The following GABBR2 variants were observed in gnomAD, a reference collection of about 807,000 sequenced individuals.
GABBR2 encodes the protein G-protein coupled receptor 51.
GABBR2 carries 23 observed loss-of-function variants against 105.6 expected under a neutral mutation model. The ratio of observed to expected loss-of-function variants is 0.22; its 90% CI spans 0.16 to 0.31. The LOEUF (loss-of-function observed/expected upper bound fraction) is 0.31. GABBR2 is among the 10% of genes least tolerant of loss of function. GABBR2 has a pLI of 1.00. For missense variants in GABBR2, 734 were observed against 1,245.5 expected (o/e 0.59, Z 6.18); for synonymous variants, 478 against 499.7 (o/e 0.96, Z 0.58).
chr9:98,511,323 C>A (rs1272022533), intron 3 of GABBR2, among the ~76,000 whole-genome samples: 3 of 149,980 alleles, frequency 2.0e-5, no homozygotes, highest in Middle Eastern at 6.4e-3. Context: ...AAAATTGACA[C>A]CCTAACATCA....
chr9:98,300,058 C>G (rs1194386551), intron 16 of GABBR2, among the ~76,000 whole-genome samples: 1 of 149,848 alleles, frequency 6.7e-6, no homozygotes. Context: ...GAGATGGGGT[C>G]TCTCTATGTT....
At chr9:98,367,111 T>C (rs1171540051) in intron 12 of GABBR2, among the ~76,000 whole-genome samples, 1 of 152,062 alleles carries the variant, frequency 6.6e-6, no homozygotes, top group Non-Finnish European at 1.5e-5. Context: ...GCTTTAATGC[T>C]TTCAAAAATG....
At chr9:98,334,225 G>A (rs1446712756) in intron 13 of GABBR2, among the ~76,000 whole-genome samples, 1 of 152,234 alleles carries the variant, frequency 6.6e-6, no homozygotes, top group African/African-American at 2.4e-5. Flanking sequence ...TCACAGATGT[G>A]AAAGAGATTT....
chr9:98,627,109 G>A (rs1829748167), intron 1 of GABBR2, among the ~76,000 whole-genome samples: 1 of 152,160 alleles, frequency 6.6e-6, no homozygotes, highest in African/African-American at 2.4e-5. Context: ...AAGGGTGTGG[G>A]ATCAGCTTCA....
intron 1 of GABBR2, among the ~76,000 whole-genome samples, chr9:98,696,014 C>T (rs1353890963): frequency 1.3e-5 from 2 of 152,220 alleles, no homozygotes; most frequent in African/African-American, 4.8e-5. Flanking sequence ...AGTTCTTGCA[C>T]TCATGGAGTT....
Position 98,664,445 on chromosome 9 carries a change from T to G in GABBR2, c.321+43972A>C, listed in dbSNP as rs117648436. Among the ~76,000 whole-genome samples, 438 of 152,300 alleles carry G rather than the reference T, an allele frequency of 2.9e-3. 8 individuals carry two copies. In the East Asian group the frequency reaches 0.039, roughly 13 times the overall value. ...TTTGCTAGATCAGATTAACGCAGAC[T>G]CAGGTACACGATATGTGGCCACCAA... is the stretch of plus-strand genomic sequence containing the variant. On this transcript the variant is annotated intron_variant, in intron 1 of 18. Transcript: ENST00000259455.
At chr9:98,541,688 A>G (rs1192223920) in intron 3 of GABBR2, among the ~76,000 whole-genome samples, 185 bp downstream of exon 3, 1 of 152,246 alleles carries the variant, frequency 6.6e-6, no homozygotes, top group Non-Finnish European at 1.5e-5. Flanking sequence ...CACCAGTCCT[A>G]TGCACAGTGA....
intron 1 of GABBR2, among the ~76,000 whole-genome samples, chr9:98,674,877 T>C (rs946105467): frequency 2.0e-5 from 3 of 152,014 alleles, no homozygotes; most frequent in South Asian, 4.2e-4. Context: ...GAGGGGACAG[T>C]GTGGAAGCTT....
chr9:98,494,224 C>T lies in GABBR2; in HGVS notation c.732+2189G>A, dbSNP rs550867857. The stretch of plus-strand genomic sequence containing the variant: ...AACCACCTAGTTTGTGATACTTTGT[C>T]GCAGCAGTCCCAGGAAATGAAAATA... On this transcript the variant is annotated intron_variant, in intron 4 of 18. Coordinates refer to ENST00000259455, the MANE Select transcript of GABBR2 (RefSeq NM_005458.8). Among the ~76,000 whole-genome samples, 8 of 152,188 alleles carry T rather than the reference C, an allele frequency of 5.3e-5. No individual in the cohort carries two copies. In the East Asian group the frequency reaches 9.6e-4, roughly 18 times the overall value.
At chr9:98,653,798 G>T (rs1455627684) in intron 1 of GABBR2, among the ~76,000 whole-genome samples, 1 of 152,012 alleles carries the variant, frequency 6.6e-6, no homozygotes, top group Non-Finnish European at 1.5e-5. Flanking sequence ...GAAGGGAGAA[G>T]AATCTGCATA....
intron 12 of GABBR2, among the ~76,000 whole-genome samples, chr9:98,367,570 A>G (rs1180465740): frequency 6.6e-6 from 1 of 152,180 alleles, no homozygotes; most frequent in Admixed American, 6.5e-5. Flanking sequence ...TGCACAATAC[A>G]AACGAACAAC....
intron 1 of GABBR2, among the ~76,000 whole-genome samples, chr9:98,645,128 C>T (rs1337590544): frequency 1.3e-5 from 2 of 152,130 alleles, no homozygotes; most frequent in Non-Finnish European, 2.9e-5. Flanking sequence ...CTTCTGTCGA[C>T]CCTTGTTGCC....
chr9:98,404,207 A>T (rs928224969), intron 8 of GABBR2, among the ~76,000 whole-genome samples: 4 of 152,062 alleles, frequency 2.6e-5, no homozygotes, highest in African/African-American at 9.7e-5. Context: ...CTCAAAAAAA[A>T]AAAAAGTAAG....
At chr9:98,674,832 G>A (rs1830454180) in intron 1 of GABBR2, among the ~76,000 whole-genome samples, 1 of 152,174 alleles carries the variant, frequency 6.6e-6, no homozygotes. Flanking sequence ...CCATGGAAGA[G>A]GCTGTGCATG....
At chr9:98,458,431 C>T (rs1196489499) in intron 6 of GABBR2, among the ~76,000 whole-genome samples, 8 of 152,186 alleles carry the variant, frequency 5.3e-5, no homozygotes, top group Non-Finnish European at 1.0e-4. Context: ...CGGCTGGGCA[C>T]GGTGTCCCAC....
intron 1 of GABBR2, among the ~76,000 whole-genome samples, chr9:98,695,855 C>T (rs1331445647): frequency 1.3e-5 from 2 of 152,180 alleles, no homozygotes; most frequent in African/African-American, 4.8e-5. Flanking sequence ...CCACACCCCA[C>T]AGGCACTGAA....
chr9:98,360,183 C>T (rs1272836091), intron 13 of GABBR2, among the ~76,000 whole-genome samples: 1 of 152,120 alleles, frequency 6.6e-6, no homozygotes, highest in Non-Finnish European at 1.5e-5. Flanking sequence ...GTTTGGAGAT[C>T]CTGGACAAAA....
At chr9:98,339,141 T>A (rs960691079) in intron 13 of GABBR2, among the ~76,000 whole-genome samples, 1 of 151,942 alleles carries the variant, frequency 6.6e-6, no homozygotes, top group African/African-American at 2.4e-5. Context: ...GAAGGGGTGA[T>A]GGATAAAAGA....
At chr9:98,648,114 T>A (rs1830053195) in intron 1 of GABBR2, among the ~76,000 whole-genome samples, 1 of 102,252 alleles carries the variant, frequency 9.8e-6, no homozygotes, top group Non-Finnish European at 1.9e-5. Context: ...TGTGTGTGTG[T>A]GTATAGATAG....
Sources: allele counts gnomAD v4.1 joint callset (sites outside exome capture counted in the v4.1 genomes callset), GRCh38; gene constraint gnomAD v4.1.1; transcripts MANE v1.5; gene names NCBI Gene and HGNC (gene_info 2026-07-23, HGNC 2026-07-21).